NBEA: variants seen among roughly 807,000 people sequenced by gnomAD.
The protein encoded by NBEA is lysosomal-trafficking regulator 2.
Under a neutral mutation model 343.4 loss-of-function variants are expected in NBEA, and 44 were observed. The observed-to-expected ratio is 0.13, with a 90% CI of 0.10 to 0.16. The LOEUF is 0.16. Among genes scored for constraint, NBEA ranks in the 10% least tolerant of loss-of-function variants. The probability of loss-of-function intolerance (pLI) is 1.00; values close to 1 mark genes in which losing one functional copy is unlikely to be tolerated. For synonymous variants in NBEA, 1,175 were observed against 1,238.7 expected (o/e 0.95, Z 1.08); for missense variants, 2,555 against 3,631.3 (o/e 0.70, Z 7.62).
intron 13 of NBEA, among the ~76,000 whole-genome samples, chr13:35,115,734 C>A (rs2066461850): frequency 6.6e-6 from 1 of 152,084 alleles, no homozygotes; most frequent in Non-Finnish European, 1.5e-5. Context: ...TTATATTATG[C>A]AGTATACAAT....
intron 34 of NBEA, among the ~76,000 whole-genome samples, chr13:35,276,143 A>T (rs2034569389): frequency 6.6e-6 from 1 of 152,190 alleles, no homozygotes; most frequent in Non-Finnish European, 1.5e-5. Context: ...TTCTACTTTG[A>T]TATGGTGATT....
chr13:35,231,160 G>C (rs2074950057), intron 33 of NBEA, among the ~76,000 whole-genome samples: 1 of 152,046 alleles, frequency 6.6e-6, no homozygotes, highest in Admixed American at 6.6e-5. Context: ...CCTTTCTCTA[G>C]AGCTGTTGAC....
intron 41 of NBEA, chr13:35,476,840 AGGAGGCTGCTGC>A: frequency 2.0e-6 from 2 of 1,007,456 alleles, no homozygotes; most frequent in East Asian, 1.1e-4. Flanking sequence ...AACTAAAGGT[AGGAGGCTGCTGC>A]CGGCGGAAAA....
At chr13:35,372,893 G>A (rs1257067491) in intron 38 of NBEA, among the ~76,000 whole-genome samples, 1 of 152,144 alleles carries the variant, frequency 6.6e-6, no homozygotes, top group Non-Finnish European at 1.5e-5. Context: ...AATGGAGACT[G>A]GGCTCTCAAA....
intron 38 of NBEA, among the ~76,000 whole-genome samples, chr13:35,412,876 A>G (rs972246697): frequency 2.0e-5 from 3 of 152,160 alleles, no homozygotes; most frequent in African/African-American, 7.2e-5. Flanking sequence ...TCTTGGGCAC[A>G]TTACTTAACC....
chr13:35,303,223 A>G (rs568495449), intron 35 of NBEA, among the ~76,000 whole-genome samples: 1 of 152,276 alleles, frequency 6.6e-6, no homozygotes, highest in South Asian at 2.1e-4. Flanking sequence ...CGTTTTCTAT[A>G]GGATTAAAGA....
intron 37 of NBEA, among the ~76,000 whole-genome samples, chr13:35,350,634 A>G (rs1166592100): frequency 6.6e-6 from 1 of 151,620 alleles, no homozygotes; most frequent in East Asian, 1.9e-4. Context: ...ATGTAAATGT[A>G]ATTTTGATTA....
intron 30 of NBEA, among the ~76,000 whole-genome samples, chr13:35,194,619 T>C (rs1211931888): frequency 6.6e-6 from 1 of 152,116 alleles, no homozygotes; most frequent in Non-Finnish European, 1.5e-5. Context: ...AATTTACATA[T>C]AGTAGCTTAA....
At chr13:35,532,852 G>A (rs139962892) in intron 41 of NBEA, among the ~76,000 whole-genome samples, 1,614 of 152,034 alleles carry the variant, frequency 0.011, 15 homozygotes, top group Non-Finnish European at 0.017. Flanking sequence ...GATCTCAGAA[G>A]AATAGAACCT....
intron 41 of NBEA, among the ~76,000 whole-genome samples, chr13:35,479,724 A>T (rs1237414467): frequency 2.0e-5 from 3 of 152,174 alleles, no homozygotes; most frequent in Non-Finnish European, 4.4e-5. Context: ...AAGTTTTTTT[A>T]AAAAACTCCA....
chr13:35,546,714 G>C (rs2079077802), intron 41 of NBEA, among the ~76,000 whole-genome samples: 2 of 151,778 alleles, frequency 1.3e-5, no homozygotes, highest in Admixed American at 1.3e-4. Context: ...AACCATGACC[G>C]GCTAATTTTT....
intron 34 of NBEA, among the ~76,000 whole-genome samples, chr13:35,259,826 G>A (rs942686976): frequency 2.2e-4 from 34 of 152,126 alleles, no homozygotes; most frequent in Non-Finnish European, 3.8e-4. Flanking sequence ...TTCTCAAATG[G>A]TCAAGATTTT....
chr13:35,118,356 C>T, intron 15 of NBEA, 21 bp from the exon 16 acceptor site: 2 of 1,586,880 alleles, frequency 1.3e-6, no homozygotes, highest in Non-Finnish European at 1.7e-6. Context: ...AATTTTAAAT[C>T]AACATTGGTG....
intron 47 of NBEA, among the ~76,000 whole-genome samples, chr13:35,601,978 C>T (rs575150568): frequency 6.6e-6 from 1 of 151,996 alleles, no homozygotes; most frequent in Non-Finnish European, 1.5e-5. Context: ...AATGAGAACA[C>T]CTACTTCACA....
At chr13:35,258,200 G>C (rs1232220116) in intron 34 of NBEA, among the ~76,000 whole-genome samples, 1 of 144,362 alleles carries the variant, frequency 6.9e-6, no homozygotes, top group African/African-American at 2.6e-5. Context: ...ACAACATCTC[G>C]CTCTGTCACC....
At chr13:35,412,215 A>T (rs982221941) in intron 38 of NBEA, among the ~76,000 whole-genome samples, 1 of 152,188 alleles carries the variant, frequency 6.6e-6, no homozygotes, top group South Asian at 2.1e-4. Context: ...GTGTGCACAC[A>T]TGCATGCACA....
At chr13:35,122,558 C>T (rs1455228446) in intron 16 of NBEA, among the ~76,000 whole-genome samples, 6 of 116,034 alleles carry the variant, frequency 5.2e-5, no homozygotes, top group South Asian at 2.7e-4. Flanking sequence ...CATCACACAC[C>T]GGGGCCTGTT....
rs142729235 is a variant in NBEA, at chr13:35,146,993, T to G, written c.2445+4616T>G. On this transcript the variant is annotated intron_variant, in intron 18 of 58. Transcript: ENST00000379939. The stretch of plus-strand genomic sequence containing the variant: ...GTATGGGGGTCAATGTTAGTATATT[T>G]TCTTAGGGCCTCCACAAGGCATCTC... 2.2e-3 allele frequency among the ~76,000 whole-genome samples: 336 copies of G among 152,302 alleles called. 3 individuals carry two copies. Among genetic ancestry groups the G allele is most frequent in the Non-Finnish European group, 1.4e-3 (95 of 68,028 alleles).
chr13:35,052,416 TATC>T (rs987051797), intron 6 of NBEA, among the ~76,000 whole-genome samples: 3 of 152,062 alleles, frequency 2.0e-5, no homozygotes, highest in Non-Finnish European at 1.5e-5. Flanking sequence ...CTACTATTGA[TATC>T]ATGCTGTACT....
Sources: gnomAD v4.1 joint callset for allele counts (sites outside exome capture counted in the v4.1 genomes callset) on GRCh38, gnomAD v4.1.1 for gene constraint, MANE v1.5 for transcripts, NCBI Gene and HGNC (gene_info 2026-07-23, HGNC 2026-07-21) for gene names.